Variants in DLC1 observed in about 807,000 individuals in gnomAD.
DLC1 encodes the protein DLC1 Rho GTPase activating protein.
A neutral mutation model predicts 140.3 loss-of-function variants in DLC1; 54 were observed. That is an observed-to-expected ratio of 0.38 (90% CI 0.31 to 0.48). The LOEUF is 0.48. Among genes scored for constraint, DLC1 ranks in the 20% least tolerant of loss-of-function variants. The pLI, the probability that DLC1 is intolerant of heterozygous loss-of-function variation, is 0.96. For synonymous variants in DLC1, 986 were observed against 728.1 expected, an observed-to-expected ratio of 1.35 and a Z score of -5.70; for missense variants, 2,536 against 1,907.0, an observed-to-expected ratio of 1.33 and a Z score of -6.14.
intron 5 of DLC1, among the ~76,000 whole-genome samples, chr8:13,139,209 G>C (rs1174913541): frequency 1.4e-5 from 2 of 138,412 alleles, no homozygotes; most frequent in Admixed American, 1.6e-4. Flanking sequence ...AGGATTGCTT[G>C]AGCCGGGTAG....
At chr8:13,196,136 T>G (rs1043701490) in intron 5 of DLC1, among the ~76,000 whole-genome samples, 4 of 130,722 alleles carry the variant, frequency 3.1e-5, no homozygotes, top group Admixed American at 1.7e-4. Flanking sequence ...ACACGTGAAC[T>G]CGAAGAAATA....
At chr8:13,472,141 C>G (rs533230670) in intron 2 of DLC1, among the ~76,000 whole-genome samples, 1 of 152,246 alleles carries the variant, frequency 6.6e-6, no homozygotes, top group Non-Finnish European at 1.5e-5. Context: ...AAATAACAAG[C>G]GCCAACTTAT....
intron 1 of DLC1, among the ~76,000 whole-genome samples, chr8:13,534,444 A>G (rs983467330): frequency 4.1e-4 from 62 of 152,174 alleles, no homozygotes; most frequent in African/African-American, 1.5e-3. Flanking sequence ...AGTTATATCA[A>G]TTTGAGGGAT....
At chr8:13,450,116 T>C (rs1264870374) in intron 2 of DLC1, among the ~76,000 whole-genome samples, 1 of 152,048 alleles carries the variant, frequency 6.6e-6, no homozygotes, top group Non-Finnish European at 1.5e-5. Flanking sequence ...AATCATTATT[T>C]AGTAAAATAA....
In DLC1 at chr8:13,100,663, T is replaced by C. The variant is rs1818993881; in HGVS notation, c.1674A>G (p.Pro558=). ...GGGACCCAGGGACCAGGTCTTGTTT[T>C]GGAGAAAAGACATCAAACTCTTCAA... The part of the protein sequence containing the change: ...SRLEEFDVFS[P]KQDLVPGSPD... Residue 558 remains proline, a synonymous_variant, in exon 9 of 18, where the codon CCA becomes CCG. Transcript: ENST00000276297. 1 of 1,614,084 alleles carries C rather than the reference T, an allele frequency of 6.2e-7. No homozygotes were observed. Among genetic ancestry groups the C allele is most frequent in the South Asian group, 1.1e-5 (1 of 91,078 alleles).
Position 13,100,237 on chromosome 8 carries a change from T to G in DLC1, c.2100A>C (p.Gln700His), listed in dbSNP as rs767984120. 2.5e-6 allele frequency: 4 copies of G among 1,614,166 alleles called. No individual in the cohort carries two copies. The highest frequency in any genetic ancestry group is 3.4e-6 in the Non-Finnish European group (4 of 1,180,038). Residue 700 changes from glutamine to histidine, a missense_variant, in exon 9 of 18, where the codon CAA (glutamine) becomes CAC (histidine). Physicochemically the swap from Gln to His is conservative, Grantham distance 24. Coordinates refer to ENST00000276297, the MANE Select transcript of DLC1 (RefSeq NM_182643.3). The stretch of plus-strand genomic sequence containing the variant: ...TCAGCTTCTCCTCATCCATCCCCTC[T>G]TGCAAGATGGGCCCGCTGATGATCA... ...LGLIISGPIL[Q>H]EGMDEEKLKQ...
chr8:13,133,200 A>T, intron 5 of DLC1: 6 of 1,424,838 alleles, frequency 4.2e-6, no homozygotes, highest in Non-Finnish European at 5.5e-6. Flanking sequence ...TTGGGCGAGA[A>T]GTCCGTGAGC....
chr8:13,479,309 A>C (rs926798380), intron 2 of DLC1, among the ~76,000 whole-genome samples: 1 of 152,248 alleles, frequency 6.6e-6, no homozygotes, highest in Non-Finnish European at 1.5e-5. Flanking sequence ...TCTGAAGACC[A>C]AGCTGCTGAT....
At position 13,499,269 on chromosome 8, in the gene DLC1, G is replaced by A; in HGVS notation, c.803C>T (p.Pro268Leu). ...LDTPCTNRGL[P>L]LLKTDFGSCL... Reference sequence around the variant, plus strand: ...GCTTCCAAAATCTGTTTTTAATAATGGCAGTCCTCTGTTTGTGCAAGGAGT... The same window carrying A: ...GCTTCCAAAATCTGTTTTTAATAATAGCAGTCCTCTGTTTGTGCAAGGAGT... The change falls in exon 2 of 18, where the codon CCA (proline) becomes CTA (leucine). Residue 268 changes from proline (P) to leucine (L), a missense_variant. Physicochemically the swap from Pro to Leu is moderately conservative, Grantham distance 98. Coordinates refer to ENST00000276297, the MANE Select transcript of DLC1 (RefSeq NM_182643.3). 6.2e-7 allele frequency: 1 copy of A among 1,614,116 alleles called. No homozygotes were observed. The highest frequency in any genetic ancestry group is 1.3e-5 in the African/African-American group (1 of 75,030).
At chr8:13,523,913 A>T (rs559660688) in intron 1 of DLC1, among the ~76,000 whole-genome samples, 7 of 151,774 alleles carry the variant, frequency 4.6e-5, no homozygotes, top group Admixed American at 4.6e-4. Flanking sequence ...AAGTATAGAA[A>T]TGTTGAAGAG....
intron 1 of DLC1, among the ~76,000 whole-genome samples, chr8:13,521,089 A>G (rs542104019): frequency 6.6e-6 from 1 of 152,182 alleles, no homozygotes; most frequent in South Asian, 2.1e-4. Flanking sequence ...GAACAAGATC[A>G]TGTCCATTGC....
At chr8:13,316,543 C>A (rs1282723926) in intron 4 of DLC1, among the ~76,000 whole-genome samples, 6 of 152,030 alleles carry the variant, frequency 3.9e-5, no homozygotes, top group Non-Finnish European at 7.4e-5. Context: ...GGTCCTTATT[C>A]CTCTTGGCTT....
At chr8:13,320,812 C>G (rs919589) in intron 4 of DLC1, among the ~76,000 whole-genome samples, 129,835 of 152,168 alleles carry the variant, frequency 0.85, 55,840 homozygotes, top group East Asian at 0.95. Context: ...GCCAAGAGTT[C>G]TAGACCAGCC....
At chr8:13,304,868 A>C in intron 5 of DLC1, 1 of 988,772 alleles carries the variant, frequency 1.0e-6, no homozygotes, top group Non-Finnish European at 1.2e-6. Flanking sequence ...ATAGTATGGC[A>C]TCAGCTTTAA....
chr8:13,178,994 T>C (rs1337220776), intron 5 of DLC1, among the ~76,000 whole-genome samples: 2 of 152,198 alleles, frequency 1.3e-5, no homozygotes, highest in Non-Finnish European at 2.9e-5. Context: ...CAGCATTATC[T>C]ATAATAGCTT....
chr8:13,337,992 T>C (rs1216006046), intron 4 of DLC1, among the ~76,000 whole-genome samples: 1 of 152,240 alleles, frequency 6.6e-6, no homozygotes, highest in Non-Finnish European at 1.5e-5. Context: ...TTGAGTAGTA[T>C]ACTTCAGTGT....
chr8:13,144,231 T>A (rs1454784440), intron 5 of DLC1, among the ~76,000 whole-genome samples: 1 of 152,168 alleles, frequency 6.6e-6, no homozygotes, highest in Non-Finnish European at 1.5e-5. Flanking sequence ...TGGGTCACCA[T>A]CTTGTCATGT....
intron 7 of DLC1, among the ~76,000 whole-genome samples, chr8:13,109,411 G>C (rs931253383): frequency 6.6e-6 from 1 of 151,924 alleles, no homozygotes. Flanking sequence ...ACAAAAATTA[G>C]CTGGGTATGG....
At chr8:13,209,541 G>C (rs1827837174) in intron 5 of DLC1, among the ~76,000 whole-genome samples, 1 of 152,128 alleles carries the variant, frequency 6.6e-6, no homozygotes, top group Non-Finnish European at 1.5e-5. Context: ...GATACAGTTT[G>C]GATGTTGTCC....
Sources: gnomAD v4.1 joint callset for allele counts (sites outside exome capture counted in the v4.1 genomes callset) on GRCh38, gnomAD v4.1.1 for gene constraint, MANE v1.5 for transcripts, NCBI Gene and HGNC (gene_info 2026-07-23, HGNC 2026-07-21) for gene names.